The following RBFOX3 variants were observed in gnomAD, a reference collection of about 807,000 sequenced individuals.
The protein encoded by RBFOX3 is RNA binding protein fox-1 homolog 3.
In RBFOX3, 17 loss-of-function variants were observed where a neutral mutation model predicts 48.7. The observed-to-expected ratio is 0.35, with a 90% CI of 0.24 to 0.52. RBFOX3 has a LOEUF of 0.52. RBFOX3 is among the 20% of genes least tolerant of loss of function. The pLI, the probability that RBFOX3 is intolerant of heterozygous loss-of-function variation, is 0.94. For missense variants in RBFOX3, 382 were observed against 497.5 expected (o/e 0.77, Z 2.21); for synonymous variants, 212 against 209.5 (o/e 1.01, Z -0.10).
chr17:79,642,446 A>G, the RBFOX3 span, among the ~76,000 whole-genome samples: 1 of 152,324 alleles, frequency 6.6e-6, no homozygotes, highest in Non-Finnish European at 1.5e-5. Flanking sequence ...GTATATATAT[A>G]TACAAATTCA....
chr17:79,188,389 C>T (rs909992889), intron 4 of RBFOX3, among the ~76,000 whole-genome samples: 6 of 152,378 alleles, frequency 3.9e-5, no homozygotes, highest in South Asian at 2.1e-4. Flanking sequence ...TAAAAATCGG[C>T]GTGCAAAGGA....
Position 79,133,765 on chromosome 17 carries a change from T to C in RBFOX3, c.-33-18017A>G, listed in dbSNP as rs939302544. On this transcript the variant is annotated intron_variant, in intron 4 of 14. Coordinates refer to ENST00000693108, the MANE Select transcript of RBFOX3 (RefSeq NM_001350451.2). Reference sequence around the variant, plus strand: ...GACACCAGGTTCCTACTCAGTGGGATGGCAAGAACATCATCCAGGCCAAAG... The same window carrying C: ...GACACCAGGTTCCTACTCAGTGGGACGGCAAGAACATCATCCAGGCCAAAG... Among the ~76,000 whole-genome samples the C allele has an allele frequency of 6.6e-5, 10 of 152,290 alleles. No homozygotes were observed. The East Asian group carries it at 1.9e-3, about 29-fold the overall frequency.
chr17:79,493,372 G>C (rs2080981552), intron 1 of RBFOX3, among the ~76,000 whole-genome samples: 1 of 152,168 alleles, frequency 6.6e-6, no homozygotes, highest in African/African-American at 2.4e-5. Flanking sequence ...ACCGTATCAA[G>C]AGCATTTCCA....
chr17:79,452,809 A>C (rs531503170), intron 2 of RBFOX3, among the ~76,000 whole-genome samples: 1 of 152,308 alleles, frequency 6.6e-6, no homozygotes, highest in Non-Finnish European at 1.5e-5. Flanking sequence ...AGGAGGGCAC[A>C]GAGAGCTTGC....
At chr17:79,385,190 G>A (rs2060410154) in intron 2 of RBFOX3, among the ~76,000 whole-genome samples, 1 of 152,232 alleles carries the variant, frequency 6.6e-6, no homozygotes, top group Non-Finnish European at 1.5e-5. Flanking sequence ...GAGACGGGAA[G>A]GGGAGGACAG....
rs533890219 is a variant in RBFOX3 at position 79,365,945 on chromosome 17, C to T, written c.-174-58121G>A. On this transcript the variant is annotated intron_variant, in intron 2 of 14. Transcript: ENST00000693108. ...GGATACCACACTCTTGCACCAAAGA[C>T]GCCATCAGCGTCATGACCACGCCAC... 1.4e-4 allele frequency among the ~76,000 whole-genome samples: 21 copies of T among 152,356 alleles called. No individual in the cohort carries two copies. In the South Asian group the frequency reaches 2.1e-3, roughly 15 times the overall value.
intron 3 of RBFOX3, among the ~76,000 whole-genome samples, chr17:79,267,233 A>G (rs2066862466): frequency 6.6e-6 from 1 of 152,132 alleles, no homozygotes; most frequent in African/African-American, 2.4e-5. Context: ...GCCATCTCTC[A>G]GCCTCGGTTG....
chr17:79,616,827 CT>C, the RBFOX3 span, among the ~76,000 whole-genome samples: 1 of 152,328 alleles, frequency 6.6e-6, no homozygotes, highest in Middle Eastern at 3.4e-3. Context: ...AACATTTATA[CT>C]GTGTGGGCTC....
At chr17:79,438,136 G>T (rs1421151650) in intron 2 of RBFOX3, among the ~76,000 whole-genome samples, 2 of 151,906 alleles carry the variant, frequency 1.3e-5, no homozygotes, top group African/African-American at 4.8e-5. Context: ...CACCACCAGG[G>T]CTCTAAATGC....
chr17:79,103,326 G>C lies in RBFOX3; in HGVS notation c.415-72C>G, dbSNP rs1447046993. 9.9e-7 allele frequency: 1 copy of C among 1,010,526 alleles called. No individual in the cohort carries two copies. Among genetic ancestry groups the C allele is most frequent in the Admixed American group, 2.0e-5 (1 of 49,288 alleles). 62.6% of individuals were successfully genotyped at this position (1,010,526 alleles called of 1,614,324 possible). A position where few individuals can be genotyped will look rare whatever the true frequency, so the allele number is the denominator to read the frequency against. On this transcript the variant is annotated intron_variant, in intron 7 of 14. Transcript: ENST00000693108. This position sits in a 1 kb window ranked among gnomAD's most constrained non-coding sequence, Gnocchi z 6.1. ...GGGCGAGAAAGAGGAGGAAGACGAG[G>C]AAGAAGAGGAGTGGGAGGGGGGCAG...
the RBFOX3 span, among the ~76,000 whole-genome samples, chr17:79,639,915 G>A: frequency 2.6e-5 from 4 of 152,146 alleles, no homozygotes; most frequent in Middle Eastern, 3.2e-3. Context: ...GATCTGGTGC[G>A]AGTAAAGGAT....
chr17:79,292,168 A>G (rs2073394002), intron 3 of RBFOX3, among the ~76,000 whole-genome samples: 1 of 152,066 alleles, frequency 6.6e-6, no homozygotes. Context: ...CCTGAAAACC[A>G]CAGGAAGCCA....
At chr17:79,615,063 G>GAA (rs1207749475), upstream of RBFOX3, among the ~76,000 whole-genome samples, 25 of 143,418 alleles carry the variant, frequency 1.7e-4, no homozygotes, top group African/African-American at 3.2e-4. Context: ...AATCACTGAA[G>GAA]AAAAAAAAAA....
chr17:79,403,300 C>T lies in RBFOX3; in HGVS notation c.-175+79154G>A, dbSNP rs531761732. 2.8e-4 allele frequency among the ~76,000 whole-genome samples: 42 copies of T among 152,296 alleles called. No individual in the cohort carries two copies. In the South Asian group the frequency reaches 5.6e-3, roughly 20 times the overall value. ...GAAGGCCCTTGGCTGGCAAGGCCCA[C>T]ACCCCTACCAGGTGGGGCCAGGTCC... On this transcript the variant is annotated intron_variant, in intron 2 of 14. Transcript: ENST00000693108.
chr17:79,618,258 G>A, the RBFOX3 span, among the ~76,000 whole-genome samples: 1 of 152,314 alleles, frequency 6.6e-6, no homozygotes, highest in Admixed American at 6.5e-5. Context: ...CTGCAGCCGG[G>A]GCAGTGGCCA....
chr17:79,494,840 A>G (rs2149647135), intron 1 of RBFOX3, among the ~76,000 whole-genome samples: 1 of 152,284 alleles, frequency 6.6e-6, no homozygotes, highest in South Asian at 2.1e-4. Flanking sequence ...CATCCGGTCC[A>G]GGGCCACAGC....
At chr17:79,213,242 GT>G (rs2058609528) in intron 4 of RBFOX3, among the ~76,000 whole-genome samples, 1 of 152,194 alleles carries the variant, frequency 6.6e-6, no homozygotes, top group Non-Finnish European at 1.5e-5. Context: ...AGGGTCAAGG[GT>G]TTAGGGTGGT....
At chr17:79,106,860 C>G (rs1263044626) in intron 5 of RBFOX3, 72 bp from the exon 6 acceptor site, 9 of 1,443,046 alleles carry the variant, frequency 6.2e-6, no homozygotes, top group Admixed American at 6.5e-5. Flanking sequence ...GCTAAAGGGT[C>G]GGCAGAGTCT....
At chr17:79,584,550 A>ATGTGTGTG (rs1183852264) in intron 1 of RBFOX3, among the ~76,000 whole-genome samples, 2 of 150,052 alleles carry the variant, frequency 1.3e-5, no homozygotes, top group Admixed American at 1.3e-4. Context: ...ATGTGTGTGT[A>ATGTGTGTG]TGTGTGTGTG....
Sources: gnomAD v4.1 joint callset for allele counts (sites outside exome capture counted in the v4.1 genomes callset) on GRCh38, gnomAD v4.1.1 for gene constraint, Gnocchi (gnomAD v3.1) non-coding constraint, MANE v1.5 for transcripts, NCBI Gene and HGNC (gene_info 2026-07-23, HGNC 2026-07-21) for gene names.